Variants in DMXL1 observed in about 807,000 individuals in gnomAD.
The protein encoded by DMXL1 is dmX-like protein 1.
In DMXL1, 99 loss-of-function variants were observed where a neutral mutation model predicts 319.2. That is an observed-to-expected ratio of 0.31 (90% CI 0.26 to 0.37). The LOEUF (loss-of-function observed/expected upper bound fraction) is 0.37. DMXL1 is among the 10% of genes least tolerant of loss of function. The pLI is 1.00. For synonymous variants in DMXL1, 1,385 were observed against 1,235.2 expected, an observed-to-expected ratio of 1.12 and a Z score of -2.54; for missense variants, 3,745 against 3,595.6, an observed-to-expected ratio of 1.04 and a Z score of -1.06.
At chr5:119,146,012 T>A (rs1167005762) in intron 15 of DMXL1, among the ~76,000 whole-genome samples, 1 of 151,842 alleles carries the variant, frequency 6.6e-6, no homozygotes, top group Non-Finnish European at 1.5e-5. Context: ...TAACTTAGAA[T>A]ACATTACCAA....
At chr5:119,185,096 T>C (rs1286616763) in intron 28 of DMXL1, among the ~76,000 whole-genome samples, 1 of 152,056 alleles carries the variant, frequency 6.6e-6, no homozygotes, top group Non-Finnish European at 1.5e-5. Context: ...TTACTTTCCT[T>C]CTTCCCCTTC....
intron 1 of DMXL1, among the ~76,000 whole-genome samples, chr5:119,090,090 G>A (rs971008943): frequency 8.7e-6 from 1 of 114,772 alleles, no homozygotes; most frequent in Admixed American, 1.3e-4. Flanking sequence ...GTGAGATCTC[G>A]GCTCACTGCA....
intron 30 of DMXL1, among the ~76,000 whole-genome samples, chr5:119,194,410 T>C (rs1025255270): frequency 2.6e-5 from 4 of 152,214 alleles, no homozygotes; most frequent in Non-Finnish European, 4.4e-5. Flanking sequence ...AAGTACTCTG[T>C]ATGTCATACA....
intron 8 of DMXL1, among the ~76,000 whole-genome samples, chr5:119,119,862 T>G (rs565892453): frequency 6.6e-6 from 1 of 151,938 alleles, no homozygotes; most frequent in Non-Finnish European, 1.5e-5. Flanking sequence ...TGTGGATTTT[T>G]TTTTTGGGTG....
chr5:119,214,158 C>T (rs980189401), intron 34 of DMXL1, among the ~76,000 whole-genome samples: 1 of 152,142 alleles, frequency 6.6e-6, no homozygotes, highest in African/African-American at 2.4e-5. Flanking sequence ...AACCTACTCC[C>T]TACTGTTTCC....
At chr5:119,146,333 A>G (rs1316128830) in intron 15 of DMXL1, among the ~76,000 whole-genome samples, 1 of 151,944 alleles carries the variant, frequency 6.6e-6, no homozygotes, top group African/African-American at 2.4e-5. Flanking sequence ...AGATATGTTT[A>G]TTTTGAGCAA....
intron 38 of DMXL1, 75 bp downstream of exon 38, chr5:119,224,844 G>A (rs941891317): frequency 1.1e-5 from 7 of 623,540 alleles, no homozygotes; most frequent in African/African-American, 3.8e-5. Flanking sequence ...TATAAGAAAT[G>A]TGTGGGAACC....
At chr5:119,150,885 G>A (rs1001911683) in intron 18 of DMXL1, among the ~76,000 whole-genome samples, 35 of 149,730 alleles carry the variant, frequency 2.3e-4, no homozygotes, top group Non-Finnish European at 3.0e-5. Flanking sequence ...ATCATAAACA[G>A]CAAACTCTTA....
rs1763330321 is a variant in DMXL1 at position 119,125,524 on chromosome 5, T to C, written c.1103-3687T>C. On this transcript the variant is annotated intron_variant, in intron 9 of 43. Transcript: ENST00000539542. ...ATGAGATTCTAGCTAAGGAGGGCAC[T>C]AAATGTGGATTTTGTGTGTGTATAT... Among the ~76,000 whole-genome samples the C allele has an allele frequency of 4.6e-5, 7 of 152,322 alleles. No homozygotes were observed. In the South Asian group the frequency reaches 1.4e-3, roughly 32 times the overall value.
rs1269428357 is a variant in DMXL1 at position 119,116,317 on chromosome 5, A to G, written c.724A>G (p.Thr242Ala). 6.2e-7 allele frequency: 1 copy of G among 1,613,972 alleles called. No individual in the cohort carries two copies. The change falls in exon 7 of 44, where the codon ACA (threonine) becomes GCA (alanine). Residue 242 changes from threonine to alanine, a missense_variant. Transcript: ENST00000539542. ...AGTAAATGGATTTTCCTGGCGTAAA[A>G]CAAGCAAATATATGCCTAGGTCAGT... ...RAVNGFSWRK[T>A]SKYMPRASVC...
chr5:119,137,798 A>G (rs1253360782), intron 13 of DMXL1, among the ~76,000 whole-genome samples: 1 of 152,188 alleles, frequency 6.6e-6, no homozygotes. Context: ...TGTTAAAATT[A>G]CCCAGTCTCA....
intron 39 of DMXL1, among the ~76,000 whole-genome samples, chr5:119,233,671 G>A (rs1787190445): frequency 6.6e-6 from 1 of 152,064 alleles, no homozygotes; most frequent in African/African-American, 2.4e-5. Context: ...TTAAAACTCA[G>A]TTAAGTGATT....
chr5:119,228,332 C>G (rs1186141492), intron 38 of DMXL1, among the ~76,000 whole-genome samples: 3 of 152,178 alleles, frequency 2.0e-5, no homozygotes, highest in Non-Finnish European at 4.4e-5. Flanking sequence ...AACCATCTGT[C>G]AGTGACAAAA....
At chr5:119,114,335 T>G (rs1266960293) in intron 5 of DMXL1, 140 bp from the exon 6 acceptor site, 3 of 651,974 alleles carry the variant, frequency 4.6e-6, no homozygotes, top group Non-Finnish European at 8.1e-6. Context: ...AGTTCATTTT[T>G]CAGGTACACA....
chr5:119,122,532 C>G (rs1366988327), intron 9 of DMXL1, among the ~76,000 whole-genome samples: 1 of 151,358 alleles, frequency 6.6e-6, no homozygotes, highest in African/African-American at 2.4e-5. Flanking sequence ...CGGAGAGGCT[C>G]CTCACTTCTC....
chr5:119,125,498 A>G (rs1343838315), intron 9 of DMXL1, among the ~76,000 whole-genome samples: 3 of 152,180 alleles, frequency 2.0e-5, no homozygotes, highest in African/African-American at 4.8e-5. Flanking sequence ...ATGAATTACT[A>G]ATGAGATTCT....
chr5:119,084,885 C>T (rs1258034660), intron 1 of DMXL1, among the ~76,000 whole-genome samples: 1 of 150,140 alleles, frequency 6.7e-6, no homozygotes, highest in Non-Finnish European at 1.5e-5. Flanking sequence ...AAAAAAAGAT[C>T]CTAAAATTGT....
intron 20 of DMXL1, 47 bp from the exon 21 acceptor site, chr5:119,165,136 T>C (rs1373388603): frequency 1.7e-6 from 2 of 1,197,520 alleles, no homozygotes; most frequent in East Asian, 4.7e-5. Flanking sequence ...AAATTACTTG[T>C]TCAAAACTGT....
chr5:119,115,377 CCTGT>C lies in DMXL1; in HGVS notation c.565-778_565-775del, dbSNP rs764953305. ...TTTCTTTAGTGTGTATACTTTATTACCTGTCTATTTTAAAGCAATGTATTTCTTT... is the reference window on the plus strand; with the variant it reads ...TTTCTTTAGTGTGTATACTTTATTACCTATTTTAAAGCAATGTATTTCTTT... On this transcript the variant is annotated intron_variant, in intron 6 of 43. Transcript: ENST00000539542. 5.3e-5 allele frequency among the ~76,000 whole-genome samples: 8 copies of C among 152,230 alleles called. No individual in the cohort carries two copies. In the East Asian group the frequency reaches 7.7e-4, roughly 15 times the overall value.
Sources: allele counts gnomAD v4.1 joint callset (sites outside exome capture counted in the v4.1 genomes callset), GRCh38; gene constraint gnomAD v4.1.1; transcripts MANE v1.5; gene names NCBI Gene and HGNC (gene_info 2026-07-23, HGNC 2026-07-21).